SETX: variants seen among roughly 807,000 people sequenced by gnomAD.
The protein encoded by SETX is helicase senataxin.
SETX carries 90 observed loss-of-function variants against 227.2 expected under a neutral mutation model. The ratio of observed to expected loss-of-function variants is 0.40; its 90% CI spans 0.33 to 0.47. The LOEUF (loss-of-function observed/expected upper bound fraction) is 0.47. Ranked by LOEUF, SETX falls within the 20% of genes least tolerant of loss-of-function variation. The pLI, the probability that SETX is intolerant of heterozygous loss-of-function variation, is 0.91. For missense variants in SETX, 3,052 were observed against 3,181.5 expected (o/e 0.96, Z 0.98); for synonymous variants, 1,210 against 1,113.2 (o/e 1.09, Z -1.73).
chr9:132,266,037 G>A (rs547457851), intron 25 of SETX: 2 of 152,196 alleles, frequency 1.3e-5, no homozygotes, highest in African/African-American at 2.4e-5. Flanking sequence ...CTCTCTTCCC[G>A]AGTTTCTTCA....
chr9:132,333,955 TAGAGAACCAC>T (rs1193125786), intron 7 of SETX, among the ~76,000 whole-genome samples: 1 of 152,036 alleles, frequency 6.6e-6, no homozygotes, highest in Admixed American at 6.5e-5. Context: ...GTTACTGTAT[TAGAGAACCAC>T]AGAGAAACAA....
chr9:132,354,757 C>A (rs1848815719), intron 1 of SETX, among the ~76,000 whole-genome samples, 160 bp downstream of exon 1: 3 of 152,126 alleles, frequency 2.0e-5, no homozygotes, highest in Admixed American at 2.0e-4. Flanking sequence ...GCTCCCGCCC[C>A]CGCACCGAGG....
chr9:132,304,800 C>A (rs1296285642), intron 11 of SETX, among the ~76,000 whole-genome samples: 2 of 151,396 alleles, frequency 1.3e-5, no homozygotes, highest in East Asian at 3.9e-4. Flanking sequence ...GAGTTCAAGA[C>A]CAGCCTAGCC....
intron 10 of SETX, among the ~76,000 whole-genome samples, chr9:132,321,678 A>C (rs1846353403): frequency 1.7e-5 from 2 of 116,832 alleles, no homozygotes; most frequent in African/African-American, 6.7e-5. Flanking sequence ...AAAAAACTAC[A>C]AAAAAAAAAA....
Position 132,349,395 on chromosome 9 carries a change from C to A in SETX, c.34G>T (p.Ala12Ser), listed in dbSNP as rs763609145. 8.7e-6 allele frequency: 14 copies of A among 1,614,054 alleles called. No homozygotes were observed. The highest frequency in any genetic ancestry group is 1.1e-5 in the Non-Finnish European group (13 of 1,180,048). The change falls in exon 3 of 26, where the codon GCT becomes TCT. Residue 12 changes from alanine (A) to serine (S), a missense_variant. Around this residue, in one of 10 missense-constraint regions of SETX, gnomAD observed 152 missense variants for 156.2 expected, o/e 0.97. Transcript: ENST00000224140. ...STCCWCTPGG[A>S]STIDFLKRYA... is the part of the protein sequence containing the mutation. ...CGCTTTAGGAAGTCAATGGTGGAAG[C>A]ACCACCTGGCGTACACCAACAACAT...
In SETX at chr9:132,271,890, T is replaced by G. The variant is rs928238816; in HGVS notation, c.7101-82A>C. 25 of 1,241,172 alleles carry G rather than the reference T, an allele frequency of 2.0e-5. No individual in the cohort carries two copies. The African/African-American group carries it at 2.1e-4, about 11-fold the overall frequency. The allele number at this position is 1,241,172 out of a possible 1,614,324, so 76.9% of individuals were successfully genotyped here. A position where few individuals can be genotyped will look rare whatever the true frequency, so the allele number is the denominator to read the frequency against. ...CATATTTATAAACTAGTTTTTTGGT[T>G]TTTTTTTTTTGAGACGGAGTCTCAC... On this transcript the variant is annotated intron_variant, in intron 23 of 25. Transcript: ENST00000224140.
intron 18 of SETX, among the ~76,000 whole-genome samples, chr9:132,283,899 C>T (rs931025460): frequency 3.9e-5 from 6 of 152,246 alleles, no homozygotes; most frequent in South Asian, 4.1e-4. Flanking sequence ...CTGACAAATC[C>T]TCTATTTCCA....
intron 18 of SETX, among the ~76,000 whole-genome samples, chr9:132,285,035 C>T (rs559874473): frequency 6.6e-6 from 1 of 152,212 alleles, no homozygotes; most frequent in Non-Finnish European, 1.5e-5. Context: ...CCCACCACCA[C>T]GCCCAGCTAA....
At chr9:132,323,024 T>C (rs2131405796) in intron 10 of SETX, among the ~76,000 whole-genome samples, 1 of 151,734 alleles carries the variant, frequency 6.6e-6, no homozygotes, top group African/African-American at 2.4e-5. Flanking sequence ...ATAGAAAAAA[T>C]TAAAGAAAAT....
Position 132,271,637 on chromosome 9 carries a change from T to C in SETX, c.7199+73A>G. ...AAATGGTGTTCTCTAACAGTGATAA[T>C]GAACCTAATCCTGAACTATAAACAA... On this transcript the variant is annotated intron_variant, in intron 24 of 25. Transcript: ENST00000224140. 14 of 1,224,616 alleles carry C rather than the reference T, an allele frequency of 1.1e-5. No homozygotes were observed. In the South Asian group the frequency reaches 1.7e-4, roughly 15 times the overall value. The allele number at this position is 1,224,616 out of a possible 1,614,324, so 75.9% of individuals were successfully genotyped here.
chr9:132,335,072 G>C (rs1280911519), intron 6 of SETX, among the ~76,000 whole-genome samples: 1 of 151,922 alleles, frequency 6.6e-6, no homozygotes, highest in Non-Finnish European at 1.5e-5. Context: ...GTGACCTTAA[G>C]ATTTGGAATC....
At chr9:132,314,398 T>C (rs1265572986) in intron 10 of SETX, among the ~76,000 whole-genome samples, 1 of 151,980 alleles carries the variant, frequency 6.6e-6, no homozygotes, top group Non-Finnish European at 1.5e-5. Flanking sequence ...CCACATTTTG[T>C]ATTTTTAGTA....
chr9:132,302,691 A>C (rs1390314241), intron 11 of SETX, among the ~76,000 whole-genome samples: 1 of 150,730 alleles, frequency 6.6e-6, no homozygotes, highest in South Asian at 2.1e-4. Flanking sequence ...CAAAAAAAAA[A>C]AAAAAAACCA....
intron 11 of SETX, among the ~76,000 whole-genome samples, chr9:132,304,028 G>C (rs887489804): frequency 3.9e-5 from 6 of 152,182 alleles, no homozygotes; most frequent in African/African-American, 1.4e-4. Context: ...GCTGAGGCAG[G>C]AGAATTGCTT....
At position 132,269,073 on chromosome 9, in the gene SETX, A is replaced by G. The variant is rs766200184; in HGVS notation, c.7287+542T>C. Reference sequence around the variant, plus strand: ...CAAATACGTGCTACATCTAGCTGTGATATCAGTGAATTAAGCTGTACCATT... The same window carrying G: ...CAAATACGTGCTACATCTAGCTGTGGTATCAGTGAATTAAGCTGTACCATT... On this transcript the variant is annotated intron_variant, in intron 25 of 25. Transcript: ENST00000224140. Among the ~76,000 whole-genome samples the G allele has an allele frequency of 6.2e-4, 95 of 152,396 alleles. 1 individual carries two copies. Among genetic ancestry groups the G allele is most frequent in the Non-Finnish European group, 1.1e-3 (76 of 68,042 alleles).
chr9:132,312,950 C>T (rs776932153), intron 10 of SETX, among the ~76,000 whole-genome samples: 3 of 152,104 alleles, frequency 2.0e-5, no homozygotes, highest in Non-Finnish European at 4.4e-5. Flanking sequence ...GGATAGGCCT[C>T]AAAAAGATTA....
chr9:132,322,577 T>C (rs1846429016), intron 10 of SETX, among the ~76,000 whole-genome samples: 1 of 152,238 alleles, frequency 6.6e-6, no homozygotes, highest in African/African-American at 2.4e-5. Context: ...TGAATAATAT[T>C]CCATTCATTG....
intron 5 of SETX, among the ~76,000 whole-genome samples, chr9:132,340,156 C>A (rs1316265513): frequency 3.3e-5 from 5 of 152,082 alleles, no homozygotes; most frequent in Admixed American, 6.6e-5. Flanking sequence ...TTAAATATCT[C>A]ATTTTTCAAT....
chr9:132,291,159 CTTTTTTTTTTT>C (rs139976052), intron 15 of SETX, among the ~76,000 whole-genome samples: 19 of 83,820 alleles, frequency 2.3e-4, no homozygotes, highest in East Asian at 2.0e-3. Flanking sequence ...GTTTGAAAAC[CTTTTTTTTTTT>C]TTTTTTTTTT....
Sources: gnomAD v4.1 joint callset for allele counts (sites outside exome capture counted in the v4.1 genomes callset) on GRCh38, gnomAD v4.1.1 for gene constraint, gnomAD v4.1.1 regional missense constraint, MANE v1.5 for transcripts, NCBI Gene and HGNC (gene_info 2026-07-23, HGNC 2026-07-21) for gene names.